CSMD1: variants seen among roughly 807,000 people sequenced by gnomAD.
CSMD1 encodes the protein CUB and sushi domain-containing protein 1.
In CSMD1, 213 loss-of-function variants were observed where a neutral mutation model predicts 417.5. The observed-to-expected ratio is 0.51, with a 90% CI of 0.46 to 0.57. The LOEUF (loss-of-function observed/expected upper bound fraction) is 0.57, where lower values mean the gene tolerates loss of function less well. Ranked by LOEUF, CSMD1 falls within the 20% of genes least tolerant of loss-of-function variation. CSMD1 has a pLI of 0.00. For missense variants in CSMD1, 6,923 were observed against 4,529.7 expected, an observed-to-expected ratio of 1.53 and a Z score of -15.17; for synonymous variants, 2,862 against 1,736.8, an observed-to-expected ratio of 1.65 and a Z score of -16.11.
intron 3 of CSMD1, among the ~76,000 whole-genome samples, chr8:4,406,316 G>C (rs913317029): frequency 1.3e-5 from 2 of 152,212 alleles, no homozygotes; most frequent in East Asian, 3.9e-4. Context: ...TGGGCTTCCA[G>C]TTGTGAATTC....
intron 5 of CSMD1, among the ~76,000 whole-genome samples, chr8:3,960,040 G>A (rs1812217830): frequency 6.6e-6 from 1 of 152,166 alleles, no homozygotes; most frequent in African/African-American, 2.4e-5. Flanking sequence ...AGCCTTCTGG[G>A]CATCTCAGGG....
chr8:4,161,216 C>T (rs996927654), intron 3 of CSMD1, among the ~76,000 whole-genome samples: 1 of 151,832 alleles, frequency 6.6e-6, no homozygotes, highest in Non-Finnish European at 1.5e-5. Context: ...ATTCCATGAA[C>T]AACCCTCTAA....
At chr8:4,735,201 C>A (rs954715925) in intron 1 of CSMD1, among the ~76,000 whole-genome samples, 2 of 152,146 alleles carry the variant, frequency 1.3e-5, no homozygotes, top group African/African-American at 4.8e-5. Context: ...TCTTTCAGAA[C>A]CTTTATTGCT....
intron 48 of CSMD1, among the ~76,000 whole-genome samples, chr8:3,088,374 C>G (rs1814690543): frequency 6.6e-6 from 1 of 152,176 alleles, no homozygotes; most frequent in Non-Finnish European, 1.5e-5. Flanking sequence ...TGGGAATTCT[C>G]AGTTTCTTTT....
At chr8:4,375,859 A>C (rs1461527364) in intron 3 of CSMD1, among the ~76,000 whole-genome samples, 3 of 152,156 alleles carry the variant, frequency 2.0e-5, no homozygotes, top group African/African-American at 7.2e-5. Context: ...ATCTAAATAA[A>C]AGATGTACAC....
chr8:3,835,862 C>G (rs949870439), intron 5 of CSMD1, among the ~76,000 whole-genome samples: 1 of 151,956 alleles, frequency 6.6e-6, no homozygotes, highest in Non-Finnish European at 1.5e-5. Flanking sequence ...CCTTTAGTGC[C>G]TCTGTACCAT....
chr8:2,967,289 A>T (rs1055335094), intron 57 of CSMD1, among the ~76,000 whole-genome samples: 1 of 152,204 alleles, frequency 6.6e-6, no homozygotes, highest in Non-Finnish European at 1.5e-5. Context: ...CTGCTTTGTA[A>T]AATGGTGTCC....
intron 5 of CSMD1, among the ~76,000 whole-genome samples, chr8:3,821,992 G>C (rs1801762598): frequency 6.6e-6 from 1 of 152,090 alleles, no homozygotes; most frequent in African/African-American, 2.4e-5. Context: ...CTTTGCTCTG[G>C]TTGTAATACA....
chr8:2,966,934 A>G (rs1804015661), intron 57 of CSMD1, among the ~76,000 whole-genome samples, 188 bp from the exon 58 acceptor site: 1 of 152,210 alleles, frequency 6.6e-6, no homozygotes, highest in South Asian at 2.1e-4. Flanking sequence ...CTGATTAGCT[A>G]CAAATATAAA....
At chr8:4,036,234 C>G (rs1434035788) in intron 3 of CSMD1, among the ~76,000 whole-genome samples, 1 of 152,098 alleles carries the variant, frequency 6.6e-6, no homozygotes, top group South Asian at 2.1e-4. Context: ...GAATGCATCC[C>G]AGTTGTTAAG....
In CSMD1 at chr8:3,205,538, T is replaced by A. The variant is rs1028160410; in HGVS notation, c.4950A>T (p.Ile1650=). Residue 1650 remains isoleucine, a synonymous_variant, in exon 31 of 70, where the codon ATA becomes ATT. Transcript: ENST00000635120. The part of the protein sequence containing the change: ...NYPHNYTAGQ[I]CLYSITVPKE... ...TTGGTACCGTGATGGAATAGAGGCATATTTGACCAGCTGTGTAATTATGGG... is the reference window on the plus strand; with the variant it reads ...TTGGTACCGTGATGGAATAGAGGCAAATTTGACCAGCTGTGTAATTATGGG... The A allele has an allele frequency of 7.5e-6, 12 of 1,597,710 alleles. No homozygotes were observed. The highest frequency in any genetic ancestry group is 3.3e-4 in the Middle Eastern group (2 of 6,032).
chr8:3,841,399 T>C (rs573022182), intron 5 of CSMD1, among the ~76,000 whole-genome samples: 8 of 152,302 alleles, frequency 5.3e-5, no homozygotes, highest in South Asian at 2.1e-4. Flanking sequence ...ATGTGTTTGA[T>C]TGCTTTTATG....
At chr8:3,260,138 C>T (rs1020938347) in intron 26 of CSMD1, among the ~76,000 whole-genome samples, 5 of 152,162 alleles carry the variant, frequency 3.3e-5, no homozygotes, top group African/African-American at 1.2e-4. Context: ...CTTGCTCTTT[C>T]CCATTAATTC....
intron 7 of CSMD1, among the ~76,000 whole-genome samples, chr8:3,636,364 G>A (rs1797047026): frequency 6.6e-6 from 1 of 152,288 alleles, no homozygotes; most frequent in East Asian, 1.9e-4. Flanking sequence ...TTTTAGTAGA[G>A]ATGAGGGTTC....
At chr8:4,483,173 A>C (rs983271532) in intron 2 of CSMD1, among the ~76,000 whole-genome samples, 1 of 152,208 alleles carries the variant, frequency 6.6e-6, no homozygotes, top group Admixed American at 6.5e-5. Flanking sequence ...GGGGTAATCC[A>C]TTTCACTTGG....
chr8:4,487,205 G>A (rs1166193204), intron 2 of CSMD1, among the ~76,000 whole-genome samples: 1 of 151,880 alleles, frequency 6.6e-6, no homozygotes. Flanking sequence ...AAGTTTTAGG[G>A]TACATGTGCA....
rs545507494 is a variant in CSMD1, at chr8:3,408,061, A to T, written c.1909T>A (p.Phe637Ile). ...NDFDVEPQFD[F>I]LAVKDDGISD... ...ATGCCATCATCCTTGACCGCGAGAA[A>T]GTCAAACTGAGGCTCAACATCAAAA... Residue 637 changes from phenylalanine to isoleucine, a missense_variant, in exon 14 of 70, where the codon TTT becomes ATT. Transcript: ENST00000635120. The T allele has an allele frequency of 6.2e-7, 1 of 1,613,966 alleles. No individual in the cohort carries two copies. Among genetic ancestry groups the T allele is most frequent in the Non-Finnish European group, 8.5e-7 (1 of 1,179,882 alleles).
chr8:4,085,793 C>G (rs897923396), intron 3 of CSMD1, among the ~76,000 whole-genome samples: 5 of 152,078 alleles, frequency 3.3e-5, no homozygotes, highest in Admixed American at 6.6e-5. Context: ...ATATGTTTAT[C>G]ATAAAGACAC....
Position 4,687,838 on chromosome 8 carries a change from C to A in CSMD1, c.86-50280G>T, listed in dbSNP as rs543108696. On this transcript the variant is annotated intron_variant, in intron 1 of 69. Coordinates refer to ENST00000635120, the MANE Select transcript of CSMD1 (RefSeq NM_033225.6). Reference sequence around the variant, plus strand: ...ACACACAAACACACATACATACATACACACACACACACACACACACACACT... The same window carrying A: ...ACACACAAACACACATACATACATAAACACACACACACACACACACACACT... Among the ~76,000 whole-genome samples the A allele has an allele frequency of 2.7e-4, 7 of 25,634 alleles. No individual in the cohort carries two copies. The South Asian group carries it at 0.015, about 54-fold the overall frequency. The allele number at this position is 25,634 out of a possible 152,430, so 16.8% of individuals were successfully genotyped here. A position where few individuals can be genotyped will look rare whatever the true frequency, so the allele number is the denominator to read the frequency against.
Sources: allele counts gnomAD v4.1 joint callset (sites outside exome capture counted in the v4.1 genomes callset), GRCh38; gene constraint gnomAD v4.1.1; transcripts MANE v1.5; gene names NCBI Gene and HGNC (gene_info 2026-07-23, HGNC 2026-07-21).